DCLK1: variants seen among roughly 807,000 people sequenced by gnomAD.
DCLK1 encodes doublecortin like kinase 1.
In DCLK1, 16 loss-of-function variants were observed where a neutral mutation model predicts 86.2. The ratio of observed to expected loss-of-function variants is 0.19; its 90% CI spans 0.13 to 0.28. The LOEUF is 0.28. Among genes scored for constraint, DCLK1 ranks in the 10% least tolerant of loss-of-function variants. The pLI, the probability that DCLK1 is intolerant of heterozygous loss-of-function variation, is 1.00. For synonymous variants in DCLK1, 369 were observed against 370.5 expected, an observed-to-expected ratio of 1.00 and a Z score of 0.05; for missense variants, 590 against 940.2, an observed-to-expected ratio of 0.63 and a Z score of 4.87.
At chr13:35,939,080 C>T (rs952683224) in intron 4 of DCLK1, among the ~76,000 whole-genome samples, 18 of 152,184 alleles carry the variant, frequency 1.2e-4, no homozygotes, top group African/African-American at 3.6e-4. Context: ...CACTATGTTC[C>T]GGGACATTTC....
At chr13:35,987,092 G>C (rs536884515) in intron 3 of DCLK1, among the ~76,000 whole-genome samples, 1 of 152,176 alleles carries the variant, frequency 6.6e-6, no homozygotes, top group Non-Finnish European at 1.5e-5. Flanking sequence ...GCAGAGAAAG[G>C]GGTGGACAAT....
At chr13:35,958,189 C>A (rs1484883349) in intron 3 of DCLK1, among the ~76,000 whole-genome samples, 1 of 138,114 alleles carries the variant, frequency 7.2e-6, no homozygotes, top group Non-Finnish European at 1.6e-5. Flanking sequence ...ATAACCACCA[C>A]TACCACCACC....
At chr13:35,929,974 A>G (rs1219259330) in intron 4 of DCLK1, among the ~76,000 whole-genome samples, 1 of 151,272 alleles carries the variant, frequency 6.6e-6, no homozygotes, top group East Asian at 1.9e-4. Context: ...GTATCTTATT[A>G]TATTTTAGTC....
At chr13:36,122,702 A>G (rs1391841470) in intron 2 of DCLK1, among the ~76,000 whole-genome samples, 1 of 152,234 alleles carries the variant, frequency 6.6e-6, no homozygotes, top group Admixed American at 6.5e-5. Context: ...ATTAAGCATC[A>G]TGATTTTTTT....
In DCLK1 at chr13:36,126,134, A is replaced by G. The variant is rs202044323; in HGVS notation, c.4T>C (p.Ser2Pro). The G allele has an allele frequency of 3.2e-5, 50 of 1,585,254 alleles. No homozygotes were observed. Among genetic ancestry groups the G allele is most frequent in the Middle Eastern group, 3.4e-4 (2 of 5,932 alleles). Residue 2 changes from serine to proline, a missense_variant, in exon 2 of 17, where the codon TCC becomes CCC. Physicochemically the swap from Ser to Pro is moderately conservative, Grantham distance 74. Transcript: ENST00000360631. M[S>P]FGRDMELEHF... ...TCCAGCTCCATGTCTCTGCCGAAGG[A>G]CATGATGGACTTCAAGTAGGACCTA...
intron 3 of DCLK1, among the ~76,000 whole-genome samples, chr13:35,966,224 G>A (rs1023121815): frequency 4.6e-5 from 7 of 152,114 alleles, no homozygotes; most frequent in Admixed American, 3.9e-4. Context: ...AAAACAGCAT[G>A]CTGATTTCTC....
chr13:36,109,011 T>C lies in DCLK1; in HGVS notation c.723+2858A>G, dbSNP rs561077131. Among the ~76,000 whole-genome samples the C allele has an allele frequency of 2.0e-5, 3 of 152,348 alleles. No homozygotes were observed. In the South Asian group the frequency reaches 6.2e-4, roughly 32 times the overall value. The stretch of plus-strand genomic sequence containing the variant: ...TCTCTGCCAGGGTTGTCAAAAATTC[T>C]ACTCTAACAAACTGCTTATGGGACA... On this transcript the variant is annotated intron_variant, in intron 3 of 16. Coordinates refer to ENST00000360631, the MANE Select transcript of DCLK1 (RefSeq NM_001330071.2).
intron 3 of DCLK1, among the ~76,000 whole-genome samples, chr13:36,086,499 G>A (rs1376749935): frequency 6.7e-6 from 1 of 148,956 alleles, no homozygotes; most frequent in Non-Finnish European, 1.5e-5. Flanking sequence ...TACATGCGCA[G>A]AACGTGCCAG....
chr13:36,074,460 C>T (rs1384507312), intron 3 of DCLK1, among the ~76,000 whole-genome samples: 1 of 88,482 alleles, frequency 1.1e-5, no homozygotes, highest in East Asian at 4.7e-4. Context: ...GACAGCGAGA[C>T]TCCGTCTCAA....
Position 35,774,586 on chromosome 13 carries a change from G to A in DCLK1, c.2172C>T (p.Asp724=), listed in dbSNP as rs767914664. ...APPELNSESE[D]YSPSSSETVR... ...CAGTCTCGGAGGAGCTTGGGGAGTA[G>A]TCTTCCGATTCCGAGTTGAGTTCGG... is the stretch of plus-strand genomic sequence containing the variant. The change falls in exon 17 of 17, where the codon GAC becomes GAT. Residue 724 remains aspartate, a synonymous_variant. Transcript: ENST00000360631. 1 of 1,574,944 alleles carries A rather than the reference G, an allele frequency of 6.3e-7. No individual in the cohort carries two copies. The highest frequency in any genetic ancestry group is 1.2e-5 in the South Asian group (1 of 86,282).
intron 2 of DCLK1, among the ~76,000 whole-genome samples, chr13:36,118,883 C>T (rs1160982094): frequency 6.6e-6 from 1 of 152,150 alleles, no homozygotes; most frequent in African/African-American, 2.4e-5. Context: ...ACAGATGGTG[C>T]CTTTTCATTG....
intron 4 of DCLK1, among the ~76,000 whole-genome samples, chr13:35,903,390 G>A (rs571690973): frequency 3.3e-5 from 5 of 152,272 alleles, no homozygotes; most frequent in Admixed American, 6.5e-5. Flanking sequence ...CAGAACAGAC[G>A]TGCTTTCTAT....
Position 35,774,629 on chromosome 13 carries a change from T to C in DCLK1, c.2129A>G (p.Lys710Arg). The stretch of plus-strand genomic sequence containing the variant: ...GAGTTCGGGAGGAGCTGGCTGCGCC[T>C]TGTACCGGCTCCTCACATCCTGGTT... ...RRNQDVRSRY[K>R]AQPAPPELNS... Residue 710 changes from lysine to arginine, a missense_variant, in exon 17 of 17, where the codon AAG becomes AGG. This residue lies in a region of DCLK1 where 146 missense variants were observed against 190.2 expected (regional missense o/e 0.77). Transcript: ENST00000360631. 1 of 1,606,554 alleles carries C rather than the reference T, an allele frequency of 6.2e-7. No homozygotes were observed. The highest frequency in any genetic ancestry group is 8.5e-7 in the Non-Finnish European group (1 of 1,176,302).
chr13:36,022,942 CAAGAA>C, intron 3 of DCLK1, among the ~76,000 whole-genome samples: 1 of 152,106 alleles, frequency 6.6e-6, no homozygotes, highest in Admixed American at 6.6e-5. Flanking sequence ...AAACACATCA[CAAGAA>C]AAGAAAACTA....
At chr13:35,830,818 G>T (rs990674609) in intron 8 of DCLK1, among the ~76,000 whole-genome samples, 45 of 152,222 alleles carry the variant, frequency 3.0e-4, no homozygotes, top group African/African-American at 1.1e-3. Context: ...CCACAAAGGG[G>T]ATGGATGGAC....
intron 2 of DCLK1, among the ~76,000 whole-genome samples, chr13:36,119,745 A>T (rs1885915789): frequency 6.6e-6 from 1 of 152,202 alleles, no homozygotes; most frequent in African/African-American, 2.4e-5. Context: ...AGACTGAAGA[A>T]CCGTCATAGC....
At chr13:35,906,859 T>C (rs978010238) in intron 4 of DCLK1, among the ~76,000 whole-genome samples, 14 of 152,222 alleles carry the variant, frequency 9.2e-5, no homozygotes, top group African/African-American at 2.6e-4. Context: ...ATTATGCAAA[T>C]TGAGCCATTC....
At chr13:35,917,825 G>A (rs1299597429) in intron 4 of DCLK1, among the ~76,000 whole-genome samples, 1 of 150,886 alleles carries the variant, frequency 6.6e-6, no homozygotes, top group Non-Finnish European at 1.5e-5. Context: ...GGCAGGGCGG[G>A]GAGGCCTCCA....
intron 10 of DCLK1, among the ~76,000 whole-genome samples, chr13:35,827,159 T>C (rs192476189): frequency 2.0e-5 from 3 of 152,224 alleles, no homozygotes; most frequent in African/African-American, 7.2e-5. Flanking sequence ...CAGTACACTA[T>C]TCACATCATT....
Sources: gnomAD v4.1 joint callset for allele counts (sites outside exome capture counted in the v4.1 genomes callset) on GRCh38, gnomAD v4.1.1 for gene constraint, gnomAD v4.1.1 regional missense constraint, MANE v1.5 for transcripts, NCBI Gene and HGNC (gene_info 2026-07-23, HGNC 2026-07-21) for gene names.